Variants in GPC6 observed in about 807,000 individuals in gnomAD.
The protein encoded by GPC6 is glypican-6.
GPC6 carries 14 observed loss-of-function variants against 55.2 expected under a neutral mutation model. The ratio of observed to expected loss-of-function variants is 0.25; its 90% CI spans 0.17 to 0.40. The LOEUF is 0.40. GPC6 is among the 10% of genes least tolerant of loss of function. The probability of loss-of-function intolerance (pLI) is 1.00; values close to 1 mark genes in which losing one functional copy is unlikely to be tolerated. For missense variants in GPC6, 641 were observed against 708.5 expected (o/e 0.90, Z 1.08); for synonymous variants, 278 against 259.6 (o/e 1.07, Z -0.68).
chr13:94,012,951 A>G (rs1882305755), intron 3 of GPC6, among the ~76,000 whole-genome samples: 1 of 152,172 alleles, frequency 6.6e-6, no homozygotes, highest in Non-Finnish European at 1.5e-5. Context: ...GAAGACAACT[A>G]TTTCCTGATG....
chr13:93,794,473 C>G (rs1276846900), intron 2 of GPC6, among the ~76,000 whole-genome samples: 2 of 152,172 alleles, frequency 1.3e-5, no homozygotes, highest in African/African-American at 4.8e-5. Flanking sequence ...ACTTAAATGA[C>G]TCAGTTTTTC....
intron 1 of GPC6, among the ~76,000 whole-genome samples, chr13:93,541,798 TG>T (rs1288296881): frequency 2.0e-5 from 3 of 150,680 alleles, no homozygotes; most frequent in Non-Finnish European, 4.4e-5. Flanking sequence ...CATTTTTTCA[TG>T]TGTTTTTTGG....
chr13:93,681,550 A>G (rs996568017), intron 2 of GPC6, among the ~76,000 whole-genome samples: 2 of 152,190 alleles, frequency 1.3e-5, no homozygotes, highest in Non-Finnish European at 2.9e-5. Context: ...AAACTTAATT[A>G]CATTATGCCT....
At chr13:93,444,728 G>A (rs1429711947) in intron 1 of GPC6, among the ~76,000 whole-genome samples, 1 of 152,178 alleles carries the variant, frequency 6.6e-6, no homozygotes, top group African/African-American at 2.4e-5. Flanking sequence ...TCATAAAAAT[G>A]TAATTCAAAG....
chr13:94,332,903 T>C (rs1877499252), intron 6 of GPC6, among the ~76,000 whole-genome samples: 1 of 152,186 alleles, frequency 6.6e-6, no homozygotes, highest in African/African-American at 2.4e-5. Context: ...GCCTGTGAGT[T>C]ATGAGAGAGG....
intron 2 of GPC6, among the ~76,000 whole-genome samples, chr13:93,688,566 C>G (rs1267817288): frequency 6.6e-6 from 1 of 152,032 alleles, no homozygotes. Context: ...ACTATATACA[C>G]ACAGAGAAAT....
chr13:93,545,387 C>A lies in GPC6; in HGVS notation c.285C>A (p.Arg95=), dbSNP rs1307305512. Residue 95 remains arginine (R), a synonymous_variant, in exon 2 of 9, where the codon CGC becomes CGA. Coordinates refer to ENST00000377047, the MANE Select transcript of GPC6 (RefSeq NM_005708.5). The part of the protein sequence containing the change: ...NLVEETSHFV[R]TTFVSRHKKF... ...TGGAAGAGACAAGCCATTTTGTGCG[C>A]ACCACTTTTGTGTCCAGGCATAAGA... 4 of 1,613,766 alleles carry A rather than the reference C, an allele frequency of 2.5e-6. No homozygotes were observed. The Admixed American group carries it at 6.7e-5, about 27-fold the overall frequency.
In GPC6 at chr13:93,939,108, A is replaced by AAAAT. The variant is rs528969285; in HGVS notation, c.712-88605_712-88602dup. Among the ~76,000 whole-genome samples, 158 of 151,746 alleles carry AAAAT rather than the reference A, an allele frequency of 1.0e-3. 1 individual carries two copies. Among genetic ancestry groups the AAAAT allele is most frequent in the African/African-American group, 3.5e-3 (147 of 41,466 alleles). On this transcript the variant is annotated intron_variant, in intron 3 of 8. Transcript: ENST00000377047. ...GGAGACGCTGTGTCAAAAAAAATAA[A>AAAAT]AAATAAATAAATAAATAAAATAATA...
intron 3 of GPC6, among the ~76,000 whole-genome samples, chr13:93,922,762 CTT>C (rs904584245): frequency 6.6e-6 from 1 of 152,146 alleles, no homozygotes; most frequent in African/African-American, 2.4e-5. Context: ...CAACTGGACT[CTT>C]TTTTAGGTTC....
At chr13:94,149,769 G>T (rs762589111) in intron 4 of GPC6, among the ~76,000 whole-genome samples, 3 of 151,932 alleles carry the variant, frequency 2.0e-5, no homozygotes, top group African/African-American at 7.2e-5. Context: ...ATACATCCCA[G>T]TTGGCCAAAC....
At chr13:93,699,331 G>C (rs1882589447) in intron 2 of GPC6, among the ~76,000 whole-genome samples, 1 of 152,132 alleles carries the variant, frequency 6.6e-6, no homozygotes, top group South Asian at 2.1e-4. Context: ...TGTGAGGAAA[G>C]ATCAAGCTAT....
chr13:94,029,280 C>T (rs985379491), intron 4 of GPC6, among the ~76,000 whole-genome samples: 4 of 152,172 alleles, frequency 2.6e-5, no homozygotes, highest in African/African-American at 9.6e-5. Flanking sequence ...TACCTCTCCC[C>T]ACAGTGGGAG....
At chr13:93,390,149 G>C in intron 1 of GPC6, among the ~76,000 whole-genome samples, 1 of 147,032 alleles carries the variant, frequency 6.8e-6, no homozygotes, top group Non-Finnish European at 1.5e-5. Flanking sequence ...GGAGAAGATA[G>C]ATGAGGTGGA....
At chr13:94,021,381 A>C (rs1478945582) in intron 3 of GPC6, among the ~76,000 whole-genome samples, 1 of 152,056 alleles carries the variant, frequency 6.6e-6, no homozygotes, top group Non-Finnish European at 1.5e-5. Context: ...GCATCCATGC[A>C]TCAATGCTGG....
chr13:93,789,526 T>TAC (rs1885934658), intron 2 of GPC6, among the ~76,000 whole-genome samples: 1 of 138,446 alleles, frequency 7.2e-6, no homozygotes, highest in African/African-American at 2.7e-5. Context: ...TATATATATA[T>TAC]ATATATATAG....
intron 2 of GPC6, among the ~76,000 whole-genome samples, chr13:93,800,025 C>T (rs1308227652): frequency 1.3e-5 from 2 of 152,092 alleles, no homozygotes; most frequent in African/African-American, 4.8e-5. Context: ...TTTCTGATAC[C>T]TTCATTTCTC....
intron 3 of GPC6, among the ~76,000 whole-genome samples, chr13:93,890,412 T>A (rs1875601302): frequency 1.3e-5 from 2 of 152,140 alleles, no homozygotes; most frequent in Admixed American, 1.3e-4. Context: ...ATTACTTGTT[T>A]ACTGTAATCA....
chr13:94,382,610 C>T (rs937155622), intron 7 of GPC6, 60 bp downstream of exon 7: 3 of 1,604,500 alleles, frequency 1.9e-6, no homozygotes, highest in Non-Finnish European at 2.6e-6. Flanking sequence ...TTGGAAGACT[C>T]TCCTGGCACA....
intron 2 of GPC6, among the ~76,000 whole-genome samples, chr13:93,801,432 A>G (rs948606672): frequency 2.0e-5 from 3 of 152,148 alleles, no homozygotes; most frequent in Admixed American, 2.0e-4. Context: ...GTGCTTTTCA[A>G]TGTTGAGCAT....
Sources: allele counts gnomAD v4.1 joint callset (sites outside exome capture counted in the v4.1 genomes callset), GRCh38; gene constraint gnomAD v4.1.1; transcripts MANE v1.5; gene names NCBI Gene and HGNC (gene_info 2026-07-23, HGNC 2026-07-21).